RPS11: variants seen among roughly 807,000 people sequenced by gnomAD.
RPS11 encodes small ribosomal subunit protein uS17.
For missense variants in RPS11, 127 were observed against 211.4 expected, an observed-to-expected ratio of 0.60 and a Z score of 2.48; for synonymous variants, 107 against 78.0, an observed-to-expected ratio of 1.37 and a Z score of -1.96.
At position 49,499,463 on chromosome 19, in the gene RPS11, T is replaced by C. The variant is rs763483290; in HGVS notation, c.354-49T>C. 6 of 1,583,398 alleles carry C rather than the reference T, an allele frequency of 3.8e-6. No homozygotes were observed. The South Asian group carries it at 6.7e-5, about 18-fold the overall frequency. On this transcript the variant is annotated intron_variant, in intron 4 of 4. Transcript: ENST00000270625. ...GAAGGGGAGGGAGGGCCTCCTGGGG[T>C]CTGCTGGGGTGGCCCCTCCTGAGGA...
intron 4 of RPS11, 44 bp from the exon 5 acceptor site, chr19:49,499,468 T>G (rs751990721): frequency 5.0e-6 from 8 of 1,593,028 alleles, no homozygotes; most frequent in Non-Finnish European, 1.7e-6. Context: ...TGGGGTCTGC[T>G]GGGGTGGCCC....
Position 49,496,465 on chromosome 19 carries a change from C to G in RPS11, c.9C>G (p.Asp3Glu). MA[D>E]IQTERAYQKQ... is the part of the protein sequence containing the mutation. ...TTCAGGCGGCCGGGAAGATGGCGGA[C>G]ATTCAGGTGCGGACTCGGGGTTGGA... is the stretch of plus-strand genomic sequence containing the variant. The change falls in exon 1 of 5, where the codon GAC (aspartate) becomes GAG (glutamate). Residue 3 changes from aspartate to glutamate, a missense_variant. Transcript: ENST00000270625. 6.2e-7 allele frequency: 1 copy of G among 1,612,026 alleles called. No homozygotes were observed.
Position 49,497,955 on chromosome 19 carries a change from A to G in RPS11, c.262A>G (p.Ile88Val). 6.2e-7 allele frequency: 1 copy of G among 1,614,066 alleles called. No homozygotes were observed. Among genetic ancestry groups the G allele is most frequent in the South Asian group, 1.1e-5 (1 of 91,082 alleles). Reference sequence around the variant, plus strand: ...GATGAAGATGCAGAGGACCATTGTCATCCGCCGAGACTATCTGCACTACAT... The same window carrying G: ...GATGAAGATGCAGAGGACCATTGTCGTCCGCCGAGACTATCTGCACTACAT... Reference protein sequence around the residue: ...TKMKMQRTIVIRRDYLHYIRK... With the variant: ...TKMKMQRTIVVRRDYLHYIRK... The change falls in exon 4 of 5, where the codon ATC becomes GTC. Residue 88 changes from isoleucine (I) to valine (V), a missense_variant. Coordinates refer to ENST00000270625, the MANE Select transcript of RPS11 (RefSeq NM_001015.5).
rs981358470 is a variant in RPS11, at chr19:49,496,480, T to A, written c.15+9T>A. 1.9e-6 allele frequency: 3 copies of A among 1,610,284 alleles called. No homozygotes were observed. In the African/African-American group the frequency reaches 4.0e-5, roughly 22 times the overall value. ...AGATGGCGGACATTCAGGTGCGGAC[T>A]CGGGGTTGGATGCCAGGGTGCGGGG... On this transcript the variant is annotated intron_variant, in intron 1 of 4. Coordinates refer to ENST00000270625, the MANE Select transcript of RPS11 (RefSeq NM_001015.5).
chr19:49,499,575 C>T lies in RPS11; in HGVS notation c.417C>T (p.Arg139=), dbSNP rs1252504934. The change falls in exon 5 of 5, where the codon CGC becomes CGT. Residue 139 remains arginine, a synonymous_variant. Coordinates refer to ENST00000270625, the MANE Select transcript of RPS11 (RefSeq NM_001015.5). ...GCCGGCCTCTGAGCAAGACAGTGCG[C>T]TTCAACGTGCTCAAGGTCACCAAGG... ...GECRPLSKTV[R]FNVLKVTKAA... 1.9e-6 allele frequency: 3 copies of T among 1,613,958 alleles called. No homozygotes were observed. The highest frequency in any genetic ancestry group is 2.5e-6 in the Non-Finnish European group (3 of 1,179,960).
chr19:49,498,784 T>A (rs1033751181), intron 4 of RPS11, among the ~76,000 whole-genome samples: 2 of 152,138 alleles, frequency 1.3e-5, no homozygotes, highest in African/African-American at 4.8e-5. Flanking sequence ...TTTGCAGCGT[T>A]TCAGAATTTT....
chr19:49,497,002 A>G (rs2079909613), intron 1 of RPS11, among the ~76,000 whole-genome samples, 192 bp from the exon 2 acceptor site: 1 of 152,038 alleles, frequency 6.6e-6, no homozygotes, highest in Non-Finnish European at 1.5e-5. Flanking sequence ...CTTAGATCTG[A>G]GTATGAATTA....
chr19:49,498,117 T>G, intron 4 of RPS11, 71 bp downstream of exon 4: 1 of 1,566,642 alleles, frequency 6.4e-7, no homozygotes, highest in Non-Finnish European at 8.8e-7. Flanking sequence ...TCGGACCAAT[T>G]TAAGGCCAAC....
chr19:49,497,478 GC>G, intron 2 of RPS11, 41 bp from the exon 3 acceptor site: 1 of 1,606,176 alleles, frequency 6.2e-7, no homozygotes, highest in Non-Finnish European at 8.5e-7. Context: ...TTAAGGAACC[GC>G]CCGCCCAAGG....
intron 3 of RPS11, 105 bp from the exon 4 acceptor site, chr19:49,497,812 C>A (rs771200244): frequency 1.3e-6 from 2 of 1,517,762 alleles, no homozygotes. Flanking sequence ...GGAAATGGGG[C>A]TTTTTGGGAT....
intron 3 of RPS11, 157 bp downstream of exon 3, chr19:49,497,752 A>G (rs1471377175): frequency 8.6e-7 from 1 of 1,161,056 alleles, no homozygotes; most frequent in Admixed American, 1.7e-5. Flanking sequence ...GATGGTCTTC[A>G]GATGCCCACG....
chr19:49,498,966 A>G (rs2079921319), intron 4 of RPS11, among the ~76,000 whole-genome samples: 1 of 152,194 alleles, frequency 6.6e-6, no homozygotes, highest in Admixed American at 6.5e-5. Context: ...TTTGGGGTTC[A>G]GTGGTGAGCC....
rs373478731 is a variant in RPS11 at position 49,497,906 on chromosome 19, C to T, written c.224-11C>T. 2 of 1,614,014 alleles carry T rather than the reference C, an allele frequency of 1.2e-6. No individual in the cohort carries two copies. Among genetic ancestry groups the T allele is most frequent in the African/African-American group, 2.7e-5 (2 of 74,910 alleles). ...CATGGGACCTGACCTATGATCGGCC[C>T]CCGCTCCTAGGCGTGGTGACCAAGA... On this transcript the variant is annotated splice_polypyrimidine_tract_variant and intron_variant, in intron 3 of 4. Transcript: ENST00000270625.
In RPS11 at chr19:49,499,623, C is replaced by G. The variant is rs1433545541; in HGVS notation, c.465C>G (p.Phe155Leu). Reference protein sequence around the residue: ...VTKAAGTKKQFQKF With the variant: ...VTKAAGTKKQLQKF ...AGGCTGCCGGCACCAAGAAGCAGTT[C>G]CAGAAGTTCTGAGGCTGGACATCGG... Residue 155 changes from phenylalanine to leucine, a missense_variant, in exon 5 of 5, where the codon TTC (phenylalanine) becomes TTG (leucine). Transcript: ENST00000270625. 6.2e-7 allele frequency: 1 copy of G among 1,613,532 alleles called. No homozygotes were observed. The highest frequency in any genetic ancestry group is 1.7e-5 in the Admixed American group (1 of 59,996).
intron 3 of RPS11, 135 bp downstream of exon 3, chr19:49,497,730 G>A (rs1568692391): frequency 8.7e-7 from 1 of 1,145,040 alleles, no homozygotes; most frequent in Non-Finnish European, 1.3e-6. Context: ...GGCAGATGAT[G>A]TTTGTTTTCA....
chr19:49,499,224 G>T (rs1287493125), intron 4 of RPS11, among the ~76,000 whole-genome samples: 1 of 152,184 alleles, frequency 6.6e-6, no homozygotes, highest in African/African-American at 2.4e-5. Context: ...GGGAAGGGTG[G>T]TGAGGCTGCT....
intron 3 of RPS11, 62 bp downstream of exon 3, chr19:49,497,657 A>AG: frequency 6.7e-7 from 1 of 1,491,206 alleles, no homozygotes; most frequent in Non-Finnish European, 9.4e-7. Context: ...CTTGGGGCCC[A>AG]GACTCCTGGG....
At chr19:49,499,041 G>C (rs1213817448) in intron 4 of RPS11, among the ~76,000 whole-genome samples, 1 of 152,218 alleles carries the variant, frequency 6.6e-6, no homozygotes. Flanking sequence ...TGACAGCCAA[G>C]TATAACCAGA....
At chr19:49,497,478 G>A (rs199554535) in intron 2 of RPS11, 42 bp from the exon 3 acceptor site, 4 of 1,606,058 alleles carry the variant, frequency 2.5e-6, no homozygotes, top group Non-Finnish European at 3.4e-6. Flanking sequence ...TTAAGGAACC[G>A]CCCGCCCAAG....
Sources: allele counts gnomAD v4.1 joint callset (sites outside exome capture counted in the v4.1 genomes callset), GRCh38; gene constraint gnomAD v4.1.1; transcripts MANE v1.5; gene names NCBI Gene and HGNC (gene_info 2026-07-23, HGNC 2026-07-21).